GDPD4: variants seen among roughly 807,000 people sequenced by gnomAD.
GDPD4 encodes the protein glycerophosphodiester phosphodiesterase domain containing 4, also known as glycerophosphodiester phosphodiesterase 6.
GDPD4 carries 60 observed loss-of-function variants against 67.8 expected under a neutral mutation model. The ratio of observed to expected loss-of-function variants is 0.88; its 90% CI spans 0.72 to 1.10. The LOEUF is 1.10. Ranked by LOEUF, GDPD4 falls within the 50% of genes least tolerant of loss-of-function variation. The pLI is 0.00. For missense variants in GDPD4, 623 were observed against 613.9 expected (o/e 1.01, Z -0.16); for synonymous variants, 212 against 210.9 (o/e 1.00, Z -0.04).
chr11:77,277,505 C>A (rs1462593205), intron 4 of GDPD4, among the ~76,000 whole-genome samples: 2 of 147,806 alleles, frequency 1.4e-5, no homozygotes, highest in Non-Finnish European at 3.0e-5. Context: ...CAGGTTCACG[C>A]CATTCTCCTG....
intron 5 of GDPD4, among the ~76,000 whole-genome samples, chr11:77,272,463 T>C (rs1350866514): frequency 1.3e-5 from 2 of 152,140 alleles, no homozygotes; most frequent in Non-Finnish European, 1.5e-5. Flanking sequence ...CAGGCAATCA[T>C]AGAGAACAGA....
intron 10 of GDPD4, among the ~76,000 whole-genome samples, chr11:77,267,047 T>A (rs1011998687): frequency 2.0e-5 from 3 of 152,198 alleles, no homozygotes; most frequent in Non-Finnish European, 4.4e-5. Flanking sequence ...CAAGCTCCAT[T>A]CATGGTAAAT....
At chr11:77,225,739 T>C (rs936741706) in intron 16 of GDPD4, among the ~76,000 whole-genome samples, 3 of 152,190 alleles carry the variant, frequency 2.0e-5, no homozygotes, top group Non-Finnish European at 4.4e-5. Flanking sequence ...CTTCTGGTGG[T>C]AGACATGGCA....
At chr11:77,267,568 T>G (rs1000982678) in intron 10 of GDPD4, among the ~76,000 whole-genome samples, 3 of 152,248 alleles carry the variant, frequency 2.0e-5, no homozygotes, top group African/African-American at 7.2e-5. Flanking sequence ...CATCTTCTCA[T>G]GTACTTATTT....
In GDPD4 at chr11:77,226,965, A is replaced by G. The variant is rs570992470; in HGVS notation, c.1525+899T>C. On this transcript the variant is annotated intron_variant, in intron 16 of 16. Transcript: ENST00000315938. ...TCTGCCAGCTGGTACATGGAATATC[A>G]GGAGCTTCACCATTGTCCATAAGAA... Among the ~76,000 whole-genome samples the G allele has an allele frequency of 5.3e-5, 8 of 152,338 alleles. No individual in the cohort carries two copies. In the East Asian group the frequency reaches 1.5e-3, roughly 29 times the overall value.
intron 13 of GDPD4, among the ~76,000 whole-genome samples, chr11:77,233,569 AAT>A (rs1488177708): frequency 6.6e-6 from 1 of 152,152 alleles, no homozygotes; most frequent in Admixed American, 6.6e-5. Flanking sequence ...TGGTAGAACC[AAT>A]TTGCAGAGTT....
intron 13 of GDPD4, among the ~76,000 whole-genome samples, chr11:77,237,927 T>C (rs1412581976): frequency 1.3e-5 from 2 of 151,834 alleles, no homozygotes; most frequent in African/African-American, 4.8e-5. Flanking sequence ...TCTCAAAAAA[T>C]AAAAAACAAA....
chr11:77,219,899 G>A (rs1157625560), intron 16 of GDPD4, among the ~76,000 whole-genome samples: 1 of 152,178 alleles, frequency 6.6e-6, no homozygotes, highest in Non-Finnish European at 1.5e-5. Context: ...TCTCTTTGGA[G>A]CAACTGTGAA....
At chr11:77,223,744 C>T (rs780680670) in intron 16 of GDPD4, among the ~76,000 whole-genome samples, 7 of 152,202 alleles carry the variant, frequency 4.6e-5, no homozygotes, top group South Asian at 2.1e-4. Flanking sequence ...CAGACAGGGA[C>T]GTTTTAGTCT....
intron 11 of GDPD4, among the ~76,000 whole-genome samples, chr11:77,249,904 A>G (rs1439812521): frequency 1.3e-5 from 2 of 152,176 alleles, no homozygotes; most frequent in Non-Finnish European, 2.9e-5. Flanking sequence ...AAAATTTTTT[A>G]AATTTCCTTA....
Position 77,258,370 on chromosome 11 carries a change from T to C in GDPD4, c.864+16A>G. 1 of 1,613,048 alleles carries C rather than the reference T, an allele frequency of 6.2e-7. No homozygotes were observed. The highest frequency in any genetic ancestry group is 1.1e-5 in the South Asian group (1 of 91,034). ...AAATTCAATGCAGGTTTGTGGAACT[T>C]GGGAATGTGTCTTACCTCTGGTTTT... On this transcript the variant is annotated intron_variant, in intron 11 of 16. Transcript: ENST00000315938.
intron 13 of GDPD4, among the ~76,000 whole-genome samples, chr11:77,233,652 C>T (rs1347580489): frequency 2.6e-5 from 4 of 152,120 alleles, no homozygotes; most frequent in African/African-American, 9.7e-5. Context: ...CCTATATACT[C>T]GCTTCTATCA....
chr11:77,282,953 T>C (rs560909419), intron 3 of GDPD4, among the ~76,000 whole-genome samples: 1 of 152,304 alleles, frequency 6.6e-6, no homozygotes, highest in Admixed American at 6.5e-5. Flanking sequence ...GCAAAGCTAG[T>C]ATAGCTATAT....
chr11:77,227,233 T>C (rs1958359528), intron 16 of GDPD4, among the ~76,000 whole-genome samples: 1 of 152,224 alleles, frequency 6.6e-6, no homozygotes, highest in African/African-American at 2.4e-5. Flanking sequence ...AATCTAACCA[T>C]GTCGCTTCCT....
At position 77,287,367 on chromosome 11, in the gene GDPD4, T is replaced by C. The variant is rs918502293; in HGVS notation, c.-200A>G. 3 of 152,222 alleles carry C rather than the reference T, an allele frequency of 2.0e-5. No individual in the cohort carries two copies. The South Asian group carries it at 6.2e-4, about 32-fold the overall frequency. The allele number at this position is 152,222 out of a possible 1,614,324, so 9.4% of individuals were successfully genotyped here. ...TTAAGCTTTTTTGGTTTTTCTGTCT[T>C]ATTCCTCTTGTGCTCAATCCTGTTG... On this transcript the variant is annotated 5_prime_UTR_variant, in exon 2 of 17. In the 5' UTR this introduces an upstream ATG that the reference lacks. Transcript: ENST00000315938.
chr11:77,301,185 T>C (rs1393437339), intron 1 of GDPD4, among the ~76,000 whole-genome samples: 1 of 152,150 alleles, frequency 6.6e-6, no homozygotes, highest in Non-Finnish European at 1.5e-5. Flanking sequence ...GAAATCTCCA[T>C]TTGGATTTCT....
At chr11:77,232,351 C>A (rs1958470973) in intron 14 of GDPD4, among the ~76,000 whole-genome samples, 1 of 152,184 alleles carries the variant, frequency 6.6e-6, no homozygotes, top group South Asian at 2.1e-4. Flanking sequence ...GCTATTGTGT[C>A]CCACTCAGTC....
intron 13 of GDPD4, among the ~76,000 whole-genome samples, chr11:77,234,603 A>G (rs1424588013): frequency 6.6e-6 from 1 of 152,116 alleles, no homozygotes; most frequent in Non-Finnish European, 1.5e-5. Context: ...GTGGTATTTG[A>G]TCTTCTGTCT....
chr11:77,224,744 G>C (rs980114810), intron 16 of GDPD4, among the ~76,000 whole-genome samples: 8 of 152,152 alleles, frequency 5.3e-5, no homozygotes, highest in Admixed American at 5.2e-4. Flanking sequence ...ATGTCTGTGA[G>C]ATAATACATT....
Sources: allele counts gnomAD v4.1 joint callset (sites outside exome capture counted in the v4.1 genomes callset), GRCh38; gene constraint gnomAD v4.1.1; transcripts MANE v1.5; gene names NCBI Gene and HGNC (gene_info 2026-07-23, HGNC 2026-07-21).